CSMD3: variants seen among roughly 807,000 people sequenced by gnomAD.
The protein encoded by CSMD3 is CUB and Sushi multiple domains 3, also known as CUB and sushi domain-containing protein 3.
Under a neutral mutation model 435.2 loss-of-function variants are expected in CSMD3, and 177 were observed. The ratio of observed to expected loss-of-function variants is 0.41; its 90% CI spans 0.36 to 0.46. The LOEUF (loss-of-function observed/expected upper bound fraction) is 0.46, where lower values mean the gene tolerates loss of function less well. Ranked by LOEUF, CSMD3 falls within the 20% of genes least tolerant of loss-of-function variation. The pLI, the probability that CSMD3 is intolerant of heterozygous loss-of-function variation, is 0.34. For missense variants in CSMD3, 4,265 were observed against 4,504.6 expected (o/e 0.95, Z 1.52); for synonymous variants, 1,656 against 1,520.5 (o/e 1.09, Z -2.07).
At chr8:112,405,494 A>G (rs1467741875) in intron 35 of CSMD3, among the ~76,000 whole-genome samples, 1 of 151,310 alleles carries the variant, frequency 6.6e-6, no homozygotes, top group East Asian at 1.9e-4. Flanking sequence ...GCCAAGCGTC[A>G]TTATAATTAC....
At chr8:113,293,238 T>C (rs2132541088) in intron 2 of CSMD3, among the ~76,000 whole-genome samples, 1 of 150,410 alleles carries the variant, frequency 6.6e-6, no homozygotes, top group African/African-American at 2.4e-5. Context: ...TATATATACA[T>C]ATATATATAT....
chr8:113,098,616 G>A (rs1475445282), intron 5 of CSMD3, 140 bp downstream of exon 5: 1 of 647,468 alleles, frequency 1.5e-6, no homozygotes, highest in African/African-American at 1.8e-5. Flanking sequence ...ATATCCTTCA[G>A]CTCTGACAAC....
At chr8:112,752,983 T>G (rs2077608887) in intron 13 of CSMD3, among the ~76,000 whole-genome samples, 1 of 151,630 alleles carries the variant, frequency 6.6e-6, no homozygotes, top group South Asian at 2.1e-4. Context: ...TGGAGTGCAG[T>G]GGTGCAGTCA....
intron 27 of CSMD3, among the ~76,000 whole-genome samples, chr8:112,521,953 G>T (rs1563652932): frequency 6.6e-6 from 1 of 151,568 alleles, no homozygotes; most frequent in Non-Finnish European, 1.5e-5. Context: ...GTTCAAAATA[G>T]AAGGTAAAAA....
intron 10 of CSMD3, among the ~76,000 whole-genome samples, chr8:112,899,603 A>T (rs11996493): frequency 1.2e-4 from 2 of 16,440 alleles, no homozygotes; most frequent in African/African-American, 1.3e-3. Flanking sequence ...TCTATTTTAT[A>T]TATATATATA....
intron 38 of CSMD3, among the ~76,000 whole-genome samples, chr8:112,356,587 C>A (rs571434208): frequency 6.6e-6 from 1 of 151,584 alleles, no homozygotes; most frequent in South Asian, 2.1e-4. Context: ...CCATATTCCA[C>A]TTCCCATGTG....
Position 112,517,048 on chromosome 8 carries a change from G to A in CSMD3, c.4742C>T (p.Pro1581Leu). 6.2e-7 allele frequency: 1 copy of A among 1,612,672 alleles called. No individual in the cohort carries two copies. Among genetic ancestry groups the A allele is most frequent in the Middle Eastern group, 1.7e-4 (1 of 5,840 alleles). The change falls in exon 28 of 71, where the codon CCA becomes CTA. Residue 1581 changes from proline (P) to leucine (L), a missense_variant. By Grantham distance (98) the Pro-to-Leu change is moderately conservative. Transcript: ENST00000297405. ...TTAATTCATACCTATACAGACTGGT[G>A]GGCTGGGCTGCCAGAAGTACCGATT... ...VENRYFWQPS[P>L]PVCIAPCGGN...
At chr8:113,180,726 A>G (rs2092411023) in intron 3 of CSMD3, among the ~76,000 whole-genome samples, 2 of 152,090 alleles carry the variant, frequency 1.3e-5, no homozygotes, top group African/African-American at 4.8e-5. Flanking sequence ...CAGGAATAGC[A>G]TGATTTAAAC....
At chr8:113,014,056 T>C (rs919249379) in intron 6 of CSMD3, among the ~76,000 whole-genome samples, 4 of 152,104 alleles carry the variant, frequency 2.6e-5, no homozygotes, top group Admixed American at 2.0e-4. Flanking sequence ...TAGCCACTTA[T>C]CAGATACTGA....
At chr8:113,343,539 A>T (rs183066354) in intron 1 of CSMD3, among the ~76,000 whole-genome samples, 5 of 152,272 alleles carry the variant, frequency 3.3e-5, no homozygotes, top group Non-Finnish European at 7.4e-5. Context: ...TGCCTTTGAG[A>T]CAGAAAAATA....
chr8:113,182,876 TG>T, intron 3 of CSMD3, among the ~76,000 whole-genome samples: 1 of 104,414 alleles, frequency 9.6e-6, no homozygotes, highest in Non-Finnish European at 2.5e-5. Flanking sequence ...TTGTTGCTGT[TG>T]TTGTTGTTGT....
At chr8:112,966,236 T>A (rs1463531970) in intron 7 of CSMD3, among the ~76,000 whole-genome samples, 2 of 151,654 alleles carry the variant, frequency 1.3e-5, no homozygotes, top group Admixed American at 1.3e-4. Flanking sequence ...ACCAGATAAT[T>A]TTTTAAAAGT....
intron 38 of CSMD3, among the ~76,000 whole-genome samples, chr8:112,370,082 A>AAGAAGAAGAAGAAGAAGAAGT (rs1285510394): frequency 0.01 from 1,054 of 102,736 alleles, 40 homozygotes; most frequent in African/African-American, 0.026. Context: ...GAAGAAGAAG[A>AAGAAGAAGAAGAAGAAGAAGT]AGTAGTAGTA....
At chr8:113,091,351 T>A (rs981049381) in intron 5 of CSMD3, among the ~76,000 whole-genome samples, 1 of 152,232 alleles carries the variant, frequency 6.6e-6, no homozygotes, top group East Asian at 1.9e-4. Context: ...TTAGCATTAG[T>A]TCTCCTTTAA....
intron 22 of CSMD3, among the ~76,000 whole-genome samples, chr8:112,605,554 C>T (rs886230950): frequency 3.3e-5 from 5 of 150,498 alleles, no homozygotes; most frequent in African/African-American, 1.2e-4. Context: ...CATGTTCTCA[C>T]TTACAAGTGG....
intron 13 of CSMD3, among the ~76,000 whole-genome samples, chr8:112,709,930 T>A (rs1008736289): frequency 7.9e-5 from 12 of 152,128 alleles, no homozygotes; most frequent in African/African-American, 1.9e-4. Flanking sequence ...ATTGTCAGAT[T>A]TTTCTTTTGC....
intron 13 of CSMD3, among the ~76,000 whole-genome samples, chr8:112,789,368 A>T (rs1003856996): frequency 6.6e-6 from 1 of 152,098 alleles, no homozygotes; most frequent in Admixed American, 6.6e-5. Flanking sequence ...AGAAATGCAG[A>T]GACTACTTAA....
At chr8:112,954,346 A>ATGTAGGAATT (rs2083932941) in intron 8 of CSMD3, among the ~76,000 whole-genome samples, 1 of 151,548 alleles carries the variant, frequency 6.6e-6, no homozygotes, top group Non-Finnish European at 1.5e-5. Flanking sequence ...CCTACAAGAA[A>ATGTAGGAATT]CCACCAATTT....
chr8:112,317,715 C>G (rs1822604745), intron 47 of CSMD3, among the ~76,000 whole-genome samples: 1 of 151,994 alleles, frequency 6.6e-6, no homozygotes, highest in Non-Finnish European at 1.5e-5. Context: ...TACCCCCACA[C>G]CCACTTTCCT....
Sources: allele counts gnomAD v4.1 joint callset (sites outside exome capture counted in the v4.1 genomes callset), GRCh38; gene constraint gnomAD v4.1.1; transcripts MANE v1.5; gene names NCBI Gene and HGNC (gene_info 2026-07-23, HGNC 2026-07-21).